The following MTMR7 variants were observed in gnomAD, a reference collection of about 807,000 sequenced individuals.
MTMR7 encodes the protein phosphatidylinositol-3-phosphate phosphatase MTMR7.
MTMR7 carries 76 observed loss-of-function variants against 81.2 expected under a neutral mutation model. The observed-to-expected ratio is 0.94, with a 90% CI of 0.78 to 1.13. The LOEUF (loss-of-function observed/expected upper bound fraction) is 1.13, where lower values mean the gene tolerates loss of function less well. MTMR7 is among the 50% of genes most tolerant of loss of function. The pLI is 0.00. For missense variants in MTMR7, 1,044 were observed against 820.0 expected (o/e 1.27, Z -3.34); for synonymous variants, 372 against 289.8 (o/e 1.28, Z -2.88).
intron 7 of MTMR7, among the ~76,000 whole-genome samples, chr8:17,329,295 G>A (rs760223881): frequency 3.3e-5 from 5 of 152,066 alleles, no homozygotes; most frequent in African/African-American, 1.2e-4. Context: ...TAATTTACTC[G>A]GTAAAAACAG....
At chr8:17,308,048 A>T (rs184529155) in intron 10 of MTMR7, among the ~76,000 whole-genome samples, 46 of 119,156 alleles carry the variant, frequency 3.9e-4, no homozygotes, top group East Asian at 3.5e-3. Context: ...TAATAAAATT[A>T]AAAAATAAAA....
At chr8:17,347,323 G>A (rs1304175711) in intron 5 of MTMR7, among the ~76,000 whole-genome samples, 1 of 152,084 alleles carries the variant, frequency 6.6e-6, no homozygotes, top group Non-Finnish European at 1.5e-5. Context: ...AAGAAGAAGA[G>A]CAATGAGTAT....
intron 1 of MTMR7, among the ~76,000 whole-genome samples, chr8:17,390,300 A>G (rs996912328): frequency 1.3e-5 from 2 of 151,740 alleles, no homozygotes; most frequent in Non-Finnish European, 2.9e-5. Flanking sequence ...GGGAGCAGGA[A>G]CAAGAAAGAG....
chr8:17,301,178 G>C (rs912912333), intron 13 of MTMR7, among the ~76,000 whole-genome samples: 4 of 152,362 alleles, frequency 2.6e-5, no homozygotes, highest in Admixed American at 6.5e-5. Context: ...GTGAGGAAAA[G>C]AGATAGATAA....
rs1586131093 is a variant in MTMR7, at chr8:17,302,374, TTAA to T, written c.1494-97_1494-95del. ...CTAAGGTATCTATGATACCACAGTC[TTAA>T]TAATAACCAAATGCAAATTTCAGCC... is the stretch of plus-strand genomic sequence containing the variant. On this transcript the variant is annotated intron_variant, in intron 12 of 13. Transcript: ENST00000180173. 11 of 1,351,314 alleles carry T rather than the reference TTAA, an allele frequency of 8.1e-6. No individual in the cohort carries two copies. In the East Asian group the frequency reaches 2.7e-4, roughly 33 times the overall value. 83.7% of individuals were successfully genotyped at this position (1,351,314 alleles called of 1,614,324 possible). A position where few individuals can be genotyped will look rare whatever the true frequency, so the allele number is the denominator to read the frequency against.
At chr8:17,381,867 G>C (rs180891066) in intron 1 of MTMR7, among the ~76,000 whole-genome samples, 1 of 152,216 alleles carries the variant, frequency 6.6e-6, no homozygotes, top group Admixed American at 6.5e-5. Context: ...GTATTTGTGA[G>C]TCAAGAGGCC....
chr8:17,374,723 A>T, intron 1 of MTMR7, among the ~76,000 whole-genome samples: 1 of 151,806 alleles, frequency 6.6e-6, no homozygotes, highest in Non-Finnish European at 1.5e-5. Flanking sequence ...TGAGGCAGGA[A>T]AATCACTTGA....
intron 12 of MTMR7, 111 bp downstream of exon 12, chr8:17,304,268 G>T: frequency 4.1e-6 from 5 of 1,232,648 alleles, no homozygotes; most frequent in Non-Finnish European, 4.4e-6. Flanking sequence ...TGTCTTTTGT[G>T]TCCAATAAAA....
At chr8:17,317,285 C>T (rs1818139456) in intron 7 of MTMR7, among the ~76,000 whole-genome samples, 1 of 152,150 alleles carries the variant, frequency 6.6e-6, no homozygotes, top group African/African-American at 2.4e-5. Flanking sequence ...TTCTTAGCTG[C>T]CAAGCTTTGC....
intron 1 of MTMR7, among the ~76,000 whole-genome samples, chr8:17,379,898 G>C (rs1820708704): frequency 6.6e-6 from 1 of 152,142 alleles, no homozygotes; most frequent in Non-Finnish European, 1.5e-5. Flanking sequence ...CCGTTTCATT[G>C]CAGTATCAAC....
intron 7 of MTMR7, among the ~76,000 whole-genome samples, chr8:17,326,053 G>C (rs1304513876): frequency 6.6e-6 from 1 of 152,130 alleles, no homozygotes; most frequent in Non-Finnish European, 1.5e-5. Flanking sequence ...TACAAATACA[G>C]AAAATGAGAT....
chr8:17,385,163 C>T (rs1277353398), intron 1 of MTMR7, among the ~76,000 whole-genome samples: 3 of 152,084 alleles, frequency 2.0e-5, no homozygotes, highest in African/African-American at 7.3e-5. Context: ...TCGTTTGGAT[C>T]TGTGTCCCCA....
At chr8:17,347,243 C>T (rs892771723) in intron 5 of MTMR7, among the ~76,000 whole-genome samples, 39 of 151,842 alleles carry the variant, frequency 2.6e-4, no homozygotes, top group Non-Finnish European at 2.6e-4. Flanking sequence ...AACCAGTGCT[C>T]CAGCTCTGTG....
intron 6 of MTMR7, among the ~76,000 whole-genome samples, chr8:17,340,957 G>C (rs1819391765): frequency 6.6e-6 from 1 of 152,148 alleles, no homozygotes; most frequent in Non-Finnish European, 1.5e-5. Flanking sequence ...AGTTGAATTT[G>C]AAAAATAATA....
intron 1 of MTMR7, among the ~76,000 whole-genome samples, chr8:17,380,096 A>G (rs1284872910): frequency 2.6e-5 from 4 of 152,118 alleles, no homozygotes. Flanking sequence ...TGATTATGCC[A>G]GAAGGGACTG....
intron 7 of MTMR7, among the ~76,000 whole-genome samples, chr8:17,317,273 C>A (rs1818138880): frequency 6.6e-6 from 1 of 152,144 alleles, no homozygotes; most frequent in South Asian, 2.1e-4. Context: ...CATGGGCAGG[C>A]TTTCTTAGCT....
At chr8:17,410,548 C>CG (rs960874499) in intron 1 of MTMR7, among the ~76,000 whole-genome samples, 2 of 152,116 alleles carry the variant, frequency 1.3e-5, no homozygotes, top group African/African-American at 4.8e-5. Flanking sequence ...TTGGTGTCCC[C>CG]CCTTTAACCC....
rs994605754 is a variant in MTMR7, at chr8:17,298,501, C to T, written c.*1361G>A. The T allele has an allele frequency of 1.3e-5, 2 of 152,388 alleles. No individual in the cohort carries two copies. Among genetic ancestry groups the T allele is most frequent in the African/African-American group, 4.8e-5 (2 of 41,374 alleles). The allele number at this position is 152,388 out of a possible 1,614,324, so 9.4% of individuals were successfully genotyped here. A position where few individuals can be genotyped will look rare whatever the true frequency, so the allele number is the denominator to read the frequency against. On this transcript the variant is annotated 3_prime_UTR_variant, in exon 14 of 14. Transcript: ENST00000180173. ...CTAGAGAGATCAGCAATGTTGCTTT[C>T]TTGCCCTCGTCCTCATTTCAGCGAA...
At chr8:17,382,398 A>C (rs892370860) in intron 1 of MTMR7, among the ~76,000 whole-genome samples, 6 of 152,186 alleles carry the variant, frequency 3.9e-5, no homozygotes, top group African/African-American at 1.4e-4. Flanking sequence ...GGAGTTAGGA[A>C]ATCACTGGCT....
Sources: gnomAD v4.1 joint callset for allele counts (sites outside exome capture counted in the v4.1 genomes callset) on GRCh38, gnomAD v4.1.1 for gene constraint, MANE v1.5 for transcripts, NCBI Gene and HGNC (gene_info 2026-07-23, HGNC 2026-07-21) for gene names.